ADAMTS17: variants seen among roughly 807,000 people sequenced by gnomAD.
ADAMTS17 encodes the protein A disintegrin and metalloproteinase with thrombospondin motifs 17.
A neutral mutation model predicts 141.5 loss-of-function variants in ADAMTS17; 113 were observed. The ratio of observed to expected loss-of-function variants is 0.80; its 90% CI spans 0.69 to 0.93. The LOEUF is 0.93. Ranked by LOEUF, ADAMTS17 falls within the 40% of genes least tolerant of loss-of-function variation. ADAMTS17 has a pLI of 0.00. For synonymous variants in ADAMTS17, 768 were observed against 630.6 expected, an observed-to-expected ratio of 1.22 and a Z score of -3.27; for missense variants, 1,659 against 1,517.9, an observed-to-expected ratio of 1.09 and a Z score of -1.54.
intron 4 of ADAMTS17, among the ~76,000 whole-genome samples, chr15:100,265,823 G>C (rs761174695): frequency 2.0e-5 from 3 of 152,232 alleles, no homozygotes; most frequent in Non-Finnish European, 2.9e-5. Context: ...CAAAGCAGCA[G>C]CACCAACATG....
chr15:100,327,554 G>C (rs1484671951), intron 3 of ADAMTS17, among the ~76,000 whole-genome samples: 1 of 152,194 alleles, frequency 6.6e-6, no homozygotes, highest in East Asian at 1.9e-4. Context: ...CCATGGGGGA[G>C]GAGAGGAAGA....
At chr15:100,261,894 G>GTA (rs1415029826) in intron 5 of ADAMTS17, among the ~76,000 whole-genome samples, 4 of 152,184 alleles carry the variant, frequency 2.6e-5, no homozygotes, top group Non-Finnish European at 5.9e-5. Context: ...AAACAGAACA[G>GTA]TATCCCAAAC....
intron 8 of ADAMTS17, among the ~76,000 whole-genome samples, chr15:100,186,485 C>T (rs544268903): frequency 5.3e-5 from 8 of 152,308 alleles, no homozygotes; most frequent in African/African-American, 1.7e-4. Flanking sequence ...GCCGCATACC[C>T]TTTTCCCTCC....
rs936211161 is a variant in ADAMTS17, at chr15:100,206,342, G to A, written c.1076-6919C>T. Among the ~76,000 whole-genome samples, 10 of 152,342 alleles carry A rather than the reference G, an allele frequency of 6.6e-5. 1 individual carries two copies. Among genetic ancestry groups the A allele is most frequent in the African/African-American group, 1.9e-4 (8 of 41,586 alleles). On this transcript the variant is annotated intron_variant, in intron 7 of 21. Coordinates refer to ENST00000268070, the MANE Select transcript of ADAMTS17 (RefSeq NM_139057.4). ...TGTGTGTGCACTTGAGTGTACGTCT[G>A]TAGACATGGGCATGCCCAGGACACC...
intron 18 of ADAMTS17, among the ~76,000 whole-genome samples, chr15:100,012,278 T>G (rs2061200992): frequency 6.6e-6 from 1 of 152,250 alleles, no homozygotes; most frequent in Non-Finnish European, 1.5e-5. Context: ...TTGTAGATTT[T>G]GGATATTAGT....
intron 10 of ADAMTS17, 124 bp downstream of exon 10, chr15:100,152,488 G>A (rs2039216749): frequency 7.8e-7 from 1 of 1,284,184 alleles, no homozygotes; most frequent in African/African-American, 1.4e-5. Context: ...ATGTATACCT[G>A]TGCTTGTGTG....
chr15:100,193,989 C>A (rs937963236), intron 8 of ADAMTS17, among the ~76,000 whole-genome samples: 1 of 152,238 alleles, frequency 6.6e-6, no homozygotes, highest in Non-Finnish European at 1.5e-5. Flanking sequence ...ATTTCTTGAA[C>A]CCTGGTCTGG....
intron 4 of ADAMTS17, among the ~76,000 whole-genome samples, chr15:100,262,723 T>C (rs1484829897): frequency 1.3e-5 from 2 of 150,572 alleles, no homozygotes; most frequent in Non-Finnish European, 3.0e-5. Flanking sequence ...AAATACAAAT[T>C]CCATTCATAA....
At position 100,256,216 on chromosome 15, in the gene ADAMTS17, G is replaced by A. The variant is rs574718300; in HGVS notation, c.1032-2037C>T. On this transcript the variant is annotated intron_variant, in intron 6 of 21. Coordinates refer to ENST00000268070, the MANE Select transcript of ADAMTS17 (RefSeq NM_139057.4). ...CAGGAATGAAAAGAGGGCTAGACTT[G>A]GCTCCCAGCGCCTACATCCATTGAA... is the stretch of plus-strand genomic sequence containing the variant. Among the ~76,000 whole-genome samples the A allele has an allele frequency of 1.8e-4, 28 of 152,326 alleles. No individual in the cohort carries two copies. The East Asian group carries it at 4.4e-3, about 24-fold the overall frequency.
At chr15:100,282,590 C>T (rs1312511359) in intron 3 of ADAMTS17, among the ~76,000 whole-genome samples, 1 of 152,220 alleles carries the variant, frequency 6.6e-6, no homozygotes, top group Non-Finnish European at 1.5e-5. Flanking sequence ...GCTCATTGTA[C>T]TGTACTCACC....
intron 3 of ADAMTS17, among the ~76,000 whole-genome samples, chr15:100,312,573 CT>C: frequency 6.6e-6 from 1 of 152,308 alleles, no homozygotes; most frequent in East Asian, 1.9e-4. Context: ...TGAGTCTTGC[CT>C]TCCTGCCAGA....
chr15:100,201,285 G>C (rs2041322240), intron 7 of ADAMTS17, among the ~76,000 whole-genome samples: 1 of 152,176 alleles, frequency 6.6e-6, no homozygotes, highest in Non-Finnish European at 1.5e-5. Flanking sequence ...CAGTGAGTTA[G>C]TTCTCATGAG....
intron 8 of ADAMTS17, among the ~76,000 whole-genome samples, chr15:100,181,250 C>T (rs1205149053): frequency 6.6e-6 from 1 of 152,216 alleles, no homozygotes; most frequent in Non-Finnish European, 1.5e-5. Flanking sequence ...GAAATGCTGT[C>T]CAGAGCAAAG....
At chr15:100,155,116 A>T (rs1165548109) in intron 9 of ADAMTS17, 64 bp downstream of exon 9, 5 of 1,611,844 alleles carry the variant, frequency 3.1e-6, no homozygotes, top group African/African-American at 2.7e-5. Context: ...TGAGACTCCA[A>T]TACTTTTGTC....
rs372890737 is a variant in ADAMTS17 at position 100,330,960 on chromosome 15, C to T, written c.545G>A (p.Arg182His). ...PFSGREHLIR[R>H]KWSLTPSPSA... ...AGGGCTGGGGGTCAAGGACCATTTG[C>T]GCCTGATCAGATGTTCTCGTCCACT... The change falls in exon 3 of 22, where the codon CGC becomes CAC. Residue 182 changes from arginine (R) to histidine (H), a missense_variant. Arg to His is a conservative substitution (Grantham distance 29, BLOSUM62 0). Transcript: ENST00000268070. 5.0e-6 allele frequency: 8 copies of T among 1,614,114 alleles called. No individual in the cohort carries two copies. Among genetic ancestry groups the T allele is most frequent in the East Asian group, 2.2e-5 (1 of 44,872 alleles).
At position 99,993,746 on chromosome 15, in the gene ADAMTS17, G is replaced by A. The variant is rs1472246957; in HGVS notation, c.2797-546C>T. ...AAGCCACAGATGACTTTCTCGTGAG[G>A]CAGGTGGAAAGCCTTTGCAGAGAGC... On this transcript the variant is annotated intron_variant, in intron 19 of 21. Coordinates refer to ENST00000268070, the MANE Select transcript of ADAMTS17 (RefSeq NM_139057.4). This position sits in a 1 kb window ranked among gnomAD's most constrained non-coding sequence, Gnocchi z 4.3. Among the ~76,000 whole-genome samples the A allele has an allele frequency of 6.6e-6, 1 of 152,212 alleles. No homozygotes were observed. Among genetic ancestry groups the A allele is most frequent in the East Asian group, 1.9e-4 (1 of 5,196 alleles).
chr15:100,087,680 C>G (rs563009127), intron 15 of ADAMTS17, among the ~76,000 whole-genome samples: 1 of 152,256 alleles, frequency 6.6e-6, no homozygotes, highest in South Asian at 2.1e-4. Flanking sequence ...AAGGCTGGTT[C>G]AACATACACA....
intron 15 of ADAMTS17, among the ~76,000 whole-genome samples, chr15:100,056,134 G>A (rs1352242791): frequency 3.3e-5 from 5 of 152,110 alleles, no homozygotes; most frequent in African/African-American, 7.2e-5. Context: ...CTGATTTCAC[G>A]GATTTCCAAT....
intron 10 of ADAMTS17, among the ~76,000 whole-genome samples, chr15:100,143,539 T>C (rs908992942): frequency 1.3e-5 from 2 of 152,260 alleles, no homozygotes; most frequent in Admixed American, 6.5e-5. Flanking sequence ...CACATTACCA[T>C]TGGCTAAAAG....
Sources: allele counts gnomAD v4.1 joint callset (sites outside exome capture counted in the v4.1 genomes callset), GRCh38; gene constraint gnomAD v4.1.1; non-coding constraint Gnocchi (gnomAD v3.1); transcripts MANE v1.5; gene names NCBI Gene and HGNC (gene_info 2026-07-23, HGNC 2026-07-21).